KIAA0825: variants seen among roughly 807,000 people sequenced by gnomAD.
KIAA0825 encodes KIAA0825, also known as uncharacterized protein KIAA0825.
KIAA0825 carries 119 observed loss-of-function variants against 147.6 expected under a neutral mutation model. That is an observed-to-expected ratio of 0.81 (90% confidence interval 0.69 to 0.94). KIAA0825 has a LOEUF of 0.94. Among genes scored for constraint, KIAA0825 ranks in the 40% least tolerant of loss-of-function variants. The pLI is 0.00. For synonymous variants in KIAA0825, 470 were observed against 518.1 expected, an observed-to-expected ratio of 0.91 and a Z score of 1.26; for missense variants, 1,381 against 1,472.7, an observed-to-expected ratio of 0.94 and a Z score of 1.02.
chr5:94,493,324 G>A (rs1763942120), intron 5 of KIAA0825, among the ~76,000 whole-genome samples: 1 of 152,070 alleles, frequency 6.6e-6, no homozygotes, highest in South Asian at 2.1e-4. Context: ...ATAGGCCTTG[G>A]GTAAGGTGAT....
chr5:94,421,411 T>C (rs1465992722), intron 14 of KIAA0825, among the ~76,000 whole-genome samples: 1 of 152,226 alleles, frequency 6.6e-6, no homozygotes, highest in Admixed American at 6.5e-5. Context: ...ACTTTCCAAA[T>C]TATCCATCTC....
chr5:94,275,862 C>T (rs548578861), intron 20 of KIAA0825, among the ~76,000 whole-genome samples: 1 of 152,224 alleles, frequency 6.6e-6, no homozygotes, highest in South Asian at 2.1e-4. Context: ...AAACAAAGTG[C>T]AGCTTCCCCC....
chr5:94,222,927 G>A (rs988295999), intron 20 of KIAA0825, among the ~76,000 whole-genome samples: 4 of 151,944 alleles, frequency 2.6e-5, no homozygotes, highest in Non-Finnish European at 5.9e-5. Context: ...CCATCAACTT[G>A]CACAGTTACC....
intron 14 of KIAA0825, among the ~76,000 whole-genome samples, chr5:94,437,451 G>A (rs1756522969): frequency 6.6e-6 from 1 of 152,016 alleles, no homozygotes; most frequent in African/African-American, 2.4e-5. Flanking sequence ...TAAAATGATG[G>A]GTGTTTGAGC....
chr5:94,477,679 A>C (rs1762045468), intron 6 of KIAA0825, among the ~76,000 whole-genome samples: 1 of 152,188 alleles, frequency 6.6e-6, no homozygotes, highest in African/African-American at 2.4e-5. Flanking sequence ...AAACATCAGC[A>C]TAACGAGAAA....
chr5:94,219,471 A>C (rs911541334), intron 20 of KIAA0825, among the ~76,000 whole-genome samples: 1 of 152,152 alleles, frequency 6.6e-6, no homozygotes, highest in African/African-American at 2.4e-5. Flanking sequence ...AGATTATAAA[A>C]ATATATCCCA....
intron 5 of KIAA0825, among the ~76,000 whole-genome samples, chr5:94,500,395 A>G (rs1251367391): frequency 6.6e-6 from 1 of 152,186 alleles, no homozygotes; most frequent in Non-Finnish European, 1.5e-5. Flanking sequence ...AAGAGGAGAT[A>G]GACTTGGAAA....
At chr5:94,265,159 T>G (rs1340013163) in intron 20 of KIAA0825, among the ~76,000 whole-genome samples, 1 of 152,210 alleles carries the variant, frequency 6.6e-6, no homozygotes, top group African/African-American at 2.4e-5. Context: ...AAAATAACAA[T>G]TTCATGTCAT....
At chr5:94,184,164 T>A (rs1769910419) in intron 20 of KIAA0825, among the ~76,000 whole-genome samples, 1 of 152,168 alleles carries the variant, frequency 6.6e-6, no homozygotes, top group Non-Finnish European at 1.5e-5. Flanking sequence ...CCCAAACATT[T>A]AGTATTCTAA....
chr5:94,264,459 A>T (rs1230860474), intron 20 of KIAA0825, among the ~76,000 whole-genome samples: 1 of 152,332 alleles, frequency 6.6e-6, no homozygotes, highest in South Asian at 2.1e-4. Flanking sequence ...TAACTTTGTC[A>T]GACTGGCAAT....
chr5:94,276,216 G>A (rs1584002952), intron 20 of KIAA0825, among the ~76,000 whole-genome samples: 1 of 152,130 alleles, frequency 6.6e-6, no homozygotes, highest in Non-Finnish European at 1.5e-5. Flanking sequence ...GACTAAGAAT[G>A]TGAGTGGTTA....
chr5:94,537,232 G>T, intron 2 of KIAA0825, 105 bp from the exon 3 acceptor site: 1 of 735,780 alleles, frequency 1.4e-6, no homozygotes, highest in East Asian at 2.8e-5. Context: ...ACCAAAAATA[G>T]TAATTCCTAT....
chr5:94,589,332 A>T (rs1302612642), intron 1 of KIAA0825, among the ~76,000 whole-genome samples: 1 of 152,214 alleles, frequency 6.6e-6, no homozygotes, highest in East Asian at 1.9e-4. Context: ...ATAAGCTTCC[A>T]CTAATCTATT....
At chr5:94,606,837 G>C (rs1270668629) in intron 1 of KIAA0825, among the ~76,000 whole-genome samples, 2 of 152,190 alleles carry the variant, frequency 1.3e-5, no homozygotes, top group South Asian at 4.1e-4. Context: ...TCAGCTTCTG[G>C]TGAGGCCTCA....
intron 20 of KIAA0825, among the ~76,000 whole-genome samples, chr5:94,226,348 T>TA (rs1429252632): frequency 6.6e-6 from 1 of 151,944 alleles, no homozygotes; most frequent in Non-Finnish European, 1.5e-5. Context: ...TGGCTATCAC[T>TA]AAAAAGTCAG....
At chr5:94,245,727 G>C (rs1326641880) in intron 20 of KIAA0825, among the ~76,000 whole-genome samples, 1 of 152,014 alleles carries the variant, frequency 6.6e-6, no homozygotes. Context: ...TAATATGACT[G>C]ATATATGACT....
At chr5:94,408,991 C>T (rs762717986) in intron 15 of KIAA0825, among the ~76,000 whole-genome samples, 10 of 152,012 alleles carry the variant, frequency 6.6e-5, no homozygotes, top group Non-Finnish European at 8.8e-5. Flanking sequence ...AATAAGTTAT[C>T]CTCAAATGAA....
At chr5:94,190,301 T>A (rs1439792014) in intron 20 of KIAA0825, among the ~76,000 whole-genome samples, 1 of 152,074 alleles carries the variant, frequency 6.6e-6, no homozygotes, top group Non-Finnish European at 1.5e-5. Flanking sequence ...GGCCAAAATA[T>A]CTAATACGAT....
chr5:94,226,795 A>G (rs1391555423), intron 20 of KIAA0825, among the ~76,000 whole-genome samples: 2 of 152,012 alleles, frequency 1.3e-5, no homozygotes, highest in Admixed American at 1.3e-4. Flanking sequence ...CACATGAAAA[A>G]ATGCTCACCA....
Sources: allele counts gnomAD v4.1 joint callset (sites outside exome capture counted in the v4.1 genomes callset), GRCh38; gene constraint gnomAD v4.1.1; transcripts MANE v1.5; gene names NCBI Gene and HGNC (gene_info 2026-07-23, HGNC 2026-07-21).